Variants in TENM2 observed in about 807,000 individuals in gnomAD.
TENM2 encodes teneurin transmembrane protein 2.
In TENM2, 52 loss-of-function variants were observed where a neutral mutation model predicts 245.2. The ratio of observed to expected loss-of-function variants is 0.21; its 90% CI spans 0.17 to 0.27. The LOEUF (loss-of-function observed/expected upper bound fraction) is 0.27, where lower values mean the gene tolerates loss of function less well. Among genes scored for constraint, TENM2 ranks in the 10% least tolerant of loss-of-function variants. The pLI, the probability that TENM2 is intolerant of heterozygous loss-of-function variation, is 1.00. For synonymous variants in TENM2, 1,363 were observed against 1,438.9 expected, an observed-to-expected ratio of 0.95 and a Z score of 1.19; for missense variants, 3,046 against 3,666.8, an observed-to-expected ratio of 0.83 and a Z score of 4.37.
chr5:167,283,668 C>A (rs1771181622), upstream of TENM2, among the ~76,000 whole-genome samples: 1 of 152,198 alleles, frequency 6.6e-6, no homozygotes, highest in South Asian at 2.1e-4. Context: ...AAAATCATTG[C>A]CCTGGCTCTG....
At chr5:167,537,802 G>T (rs1771945492) in intron 2 of TENM2, among the ~76,000 whole-genome samples, 1 of 152,074 alleles carries the variant, frequency 6.6e-6, no homozygotes, top group Non-Finnish European at 1.5e-5. Flanking sequence ...GAAGGATGAA[G>T]ATTTTGAATG....
intron 2 of TENM2, among the ~76,000 whole-genome samples, chr5:167,436,198 TGCCTCA>T (rs1764547513): frequency 6.6e-6 from 1 of 151,724 alleles, no homozygotes. Flanking sequence ...AGGCTGGTCT[TGCCTCA>T]GCCTCCTGAG....
intron 2 of TENM2, among the ~76,000 whole-genome samples, chr5:167,409,295 A>G (rs1270601543): frequency 6.6e-6 from 1 of 152,006 alleles, no homozygotes; most frequent in Admixed American, 6.6e-5. Context: ...CTAGAGTTTG[A>G]TTTCTCTCAG....
intron 10 of TENM2, 82 bp downstream of exon 12, chr5:168,118,568 G>C: frequency 9.0e-7 from 1 of 1,105,432 alleles, no homozygotes. Flanking sequence ...GCCCAGTCCT[G>C]GGCTGCGTGT....
chr5:168,181,752 C>T (rs374440429), intron 13 of TENM2, among the ~76,000 whole-genome samples: 5 of 142,832 alleles, frequency 3.5e-5, no homozygotes, highest in African/African-American at 1.3e-4. Flanking sequence ...TCTCAGCTCA[C>T]TGCAACCTCC....
intron 2 of TENM2, among the ~76,000 whole-genome samples, chr5:167,791,024 C>T (rs1300758617): frequency 1.3e-5 from 2 of 152,160 alleles, no homozygotes; most frequent in African/African-American, 4.8e-5. Flanking sequence ...CATGGCCATG[C>T]ATGTCTCTGC....
intron 6 of TENM2, 60 bp from the exon 9 acceptor site, chr5:168,062,000 A>T: frequency 6.9e-7 from 1 of 1,442,698 alleles, no homozygotes; most frequent in Non-Finnish European, 9.3e-7. Context: ...TTAAACAAAT[A>T]TAGAGCCAAC....
At chr5:167,513,073 C>G (rs919847768) in intron 2 of TENM2, among the ~76,000 whole-genome samples, 2 of 152,120 alleles carry the variant, frequency 1.3e-5, no homozygotes, top group Non-Finnish European at 2.9e-5. Flanking sequence ...TCCCCAAAGT[C>G]TCATTTTTCA....
chr5:167,716,121 A>G (rs1385498996), intron 2 of TENM2, among the ~76,000 whole-genome samples: 1 of 152,146 alleles, frequency 6.6e-6, no homozygotes, highest in African/African-American at 2.4e-5. Flanking sequence ...ATGGCCCCCC[A>G]TTCAGCCCAC....
rs147451093 is a variant in TENM2 at position 167,493,277 on chromosome 5, C to G, written c.502+117804C>G. On this transcript the variant is annotated intron_variant, in intron 2 of 28. Coordinates refer to ENST00000518659, the Ensembl canonical transcript of TENM2. Reference sequence around the variant, plus strand: ...TGGGTGAGAGAGTAAGACCCTGTCTCTAAAAAGAAAAGAAAAAAAAGAACA... The same window carrying G: ...TGGGTGAGAGAGTAAGACCCTGTCTGTAAAAAGAAAAGAAAAAAAAGAACA... Among the ~76,000 whole-genome samples the G allele has an allele frequency of 4.2e-3, 641 of 151,700 alleles. 7 individuals carry two copies. The highest frequency in any genetic ancestry group is 0.015 in the African/African-American group (604 of 41,340).
intron 1 of TENM2, among the ~76,000 whole-genome samples, chr5:167,303,851 G>T (rs1338346257): frequency 3.9e-5 from 6 of 152,166 alleles, no homozygotes; most frequent in African/African-American, 1.4e-4. Flanking sequence ...AGTCTGTATG[G>T]CCAGGCAGTG....
At chr5:167,292,959 G>A (rs749554744) in intron 1 of TENM2, among the ~76,000 whole-genome samples, 1 of 152,160 alleles carries the variant, frequency 6.6e-6, no homozygotes, top group Admixed American at 6.5e-5. Flanking sequence ...AGGCCCAGAG[G>A]TGACTACATT....
chr5:167,000,065 G>T, the TENM2 span, among the ~76,000 whole-genome samples: 1 of 152,166 alleles, frequency 6.6e-6, no homozygotes, highest in East Asian at 1.9e-4. Flanking sequence ...GTTAGATGCT[G>T]TAGAGGCATC....
At chr5:167,425,308 A>G (rs1002058223) in intron 2 of TENM2, among the ~76,000 whole-genome samples, 6 of 152,204 alleles carry the variant, frequency 3.9e-5, no homozygotes, top group African/African-American at 1.4e-4. Context: ...GCAAGAGAGC[A>G]TGCTGGTAAG....
chr5:168,123,135 GAA>G (rs35506770), intron 10 of TENM2, among the ~76,000 whole-genome samples: 1,068 of 103,108 alleles, frequency 0.01, 12 homozygotes, highest in African/African-American at 0.033. Context: ...CATTTCTAGA[GAA>G]AAAAAAAAAA....
At chr5:167,366,652 T>C (rs1249747814) in intron 1 of TENM2, among the ~76,000 whole-genome samples, 1 of 152,190 alleles carries the variant, frequency 6.6e-6, no homozygotes, top group Non-Finnish European at 1.5e-5. Context: ...GACTGTTTTG[T>C]AGGGCTGCTT....
At chr5:167,342,320 T>A (rs540608224) in intron 1 of TENM2, among the ~76,000 whole-genome samples, 1 of 152,006 alleles carries the variant, frequency 6.6e-6, no homozygotes, top group East Asian at 1.9e-4. Flanking sequence ...AGTTGAGATC[T>A]GTCTGATATT....
rs115051253 is a variant in TENM2 at position 167,690,261 on chromosome 5, A to T, written c.503-185725A>T. Among the ~76,000 whole-genome samples, 582 of 152,046 alleles carry T rather than the reference A, an allele frequency of 3.8e-3. 2 individuals are homozygous for T. The highest frequency in any genetic ancestry group is 0.013 in the African/African-American group (550 of 41,502). On this transcript the variant is annotated intron_variant, in intron 2 of 28. Coordinates refer to ENST00000518659, the Ensembl canonical transcript of TENM2. ...TCTTAAACTCTTTTGAGACAAGTAAAGTTATATTTTTATTTACTTTTATGT... is the reference window on the plus strand; with the variant it reads ...TCTTAAACTCTTTTGAGACAAGTAATGTTATATTTTTATTTACTTTTATGT...
At position 167,972,653 on chromosome 5, in the gene TENM2, T is replaced by A. The variant is rs560736089; in HGVS notation, c.947+19831T>A. 2.0e-5 allele frequency among the ~76,000 whole-genome samples: 3 copies of A among 152,342 alleles called. No individual in the cohort carries two copies. The South Asian group carries it at 6.2e-4, about 32-fold the overall frequency. On this transcript the variant is annotated intron_variant, in intron 4 of 28. Transcript: ENST00000518659. ...AATTTTGATCGATTGTGCCAAATTG[T>A]ATCTGTCTCCATTCAAATGTTACGA...
Sources: allele counts gnomAD v4.1 joint callset (sites outside exome capture counted in the v4.1 genomes callset), GRCh38; gene constraint gnomAD v4.1.1; transcripts MANE v1.5; gene names NCBI Gene and HGNC (gene_info 2026-07-23, HGNC 2026-07-21).